NINL: variants seen among roughly 807,000 people sequenced by gnomAD.
NINL encodes ninein like.
Under a neutral mutation model 160.3 loss-of-function variants are expected in NINL, and 153 were observed. The ratio of observed to expected loss-of-function variants is 0.95; its 90% CI spans 0.84 to 1.09. The LOEUF is 1.09. Ranked by LOEUF, NINL falls within the 50% of genes least tolerant of loss-of-function variation. The pLI is 0.00. For synonymous variants in NINL, 800 were observed against 734.8 expected (o/e 1.09, Z -1.43); for missense variants, 1,829 against 1,764.0 (o/e 1.04, Z -0.66).
intron 1 of NINL, among the ~76,000 whole-genome samples, chr20:25,540,589 C>T (rs1271505473): frequency 6.6e-6 from 1 of 152,158 alleles, no homozygotes; most frequent in Non-Finnish European, 1.5e-5. Context: ...GTGTCCGTAA[C>T]GGGAAGCCAT....
chr20:25,523,250 G>A (rs114288414), intron 2 of NINL, among the ~76,000 whole-genome samples: 15,019 of 150,756 alleles, frequency 0.1, 1,260 homozygotes, highest in African/African-American at 0.23. Context: ...ATATATATGA[G>A]AGAATATATA....
Position 25,467,473 on chromosome 20 carries a change from C to A in NINL, c.3354-15G>T. 1 of 1,605,808 alleles carries A rather than the reference C, an allele frequency of 6.2e-7. No individual in the cohort carries two copies. Among genetic ancestry groups the A allele is most frequent in the East Asian group, 2.2e-5 (1 of 44,854 alleles). On this transcript the variant is annotated splice_polypyrimidine_tract_variant and intron_variant, in intron 18 of 23. Transcript: ENST00000278886. Reference sequence around the variant, plus strand: ...CAATTTCCTTCCTGTTGAAGAAGCACAATTAACAGTGATACCACTTGTGAC... The same window carrying A: ...CAATTTCCTTCCTGTTGAAGAAGCAAAATTAACAGTGATACCACTTGTGAC...
intron 3 of NINL, among the ~76,000 whole-genome samples, chr20:25,514,666 G>C (rs984783346): frequency 1.3e-5 from 2 of 152,220 alleles, no homozygotes; most frequent in Non-Finnish European, 2.9e-5. Context: ...CACAGGCCAA[G>C]GAGGAAAGAA....
chr20:25,527,086 C>G (rs2064373803), intron 1 of NINL, among the ~76,000 whole-genome samples: 1 of 151,510 alleles, frequency 6.6e-6, no homozygotes, highest in South Asian at 2.1e-4. Flanking sequence ...ATAAAGAAAA[C>G]TAAAACCATC....
chr20:25,504,662 C>T (rs1360230117), intron 6 of NINL, among the ~76,000 whole-genome samples: 1 of 152,192 alleles, frequency 6.6e-6, no homozygotes, highest in Non-Finnish European at 1.5e-5. Context: ...TACACCTGAG[C>T]GTGGCAGGGA....
At chr20:25,506,438 A>G (rs548973473) in intron 5 of NINL, among the ~76,000 whole-genome samples, 1 of 152,192 alleles carries the variant, frequency 6.6e-6, no homozygotes, top group African/African-American at 2.4e-5. Flanking sequence ...CTTCTTCTCT[A>G]CCCGCTTTTC....
At chr20:25,467,111 C>T (rs969453339) in intron 19 of NINL, among the ~76,000 whole-genome samples, 1 of 152,240 alleles carries the variant, frequency 6.6e-6, no homozygotes, top group Admixed American at 6.5e-5. Flanking sequence ...TAGATCAAAA[C>T]ACCAAAGGGA....
intron 10 of NINL, among the ~76,000 whole-genome samples, chr20:25,493,433 A>G (rs2063681418): frequency 6.6e-6 from 1 of 152,090 alleles, no homozygotes; most frequent in Admixed American, 6.6e-5. Context: ...CGAGCTTACA[A>G]CAGAGCCGTC....
At position 25,476,776 on chromosome 20, in the gene NINL, C is replaced by A. The variant is rs750781496; in HGVS notation, c.2515G>T (p.Gly839Cys). ...AGGAGGCCACGTGTGCCCTCCTGGC[C>A]ACTTCCTGCCACCAGCCCATCTTTC... ...LPKDGLVAGS[G>C]QEGTRGLLPL... The change falls in exon 17 of 24, where the codon GGC becomes TGC. Residue 839 changes from glycine to cysteine, a missense_variant. Transcript: ENST00000278886. 6.2e-6 allele frequency: 10 copies of A among 1,611,544 alleles called. No individual in the cohort carries two copies. The highest frequency in any genetic ancestry group is 8.5e-6 in the Non-Finnish European group (10 of 1,179,908).
chr20:25,524,594 G>A (rs2064322193), intron 2 of NINL, among the ~76,000 whole-genome samples: 2 of 152,260 alleles, frequency 1.3e-5, no homozygotes, highest in East Asian at 1.9e-4. Context: ...CAGATGAGCC[G>A]CTTTTCAGGG....
chr20:25,497,256 A>T (rs2146750260), intron 9 of NINL, among the ~76,000 whole-genome samples: 1 of 152,372 alleles, frequency 6.6e-6, no homozygotes, highest in Admixed American at 6.5e-5. Context: ...ACAGTGAGTC[A>T]CCAGAGCACA....
rs569588969 is a variant in NINL, at chr20:25,492,642, C to T, written c.1311-1117G>A. Among the ~76,000 whole-genome samples, 8 of 152,088 alleles carry T rather than the reference C, an allele frequency of 5.3e-5. 1 individual carries two copies. Among genetic ancestry groups the T allele is most frequent in the African/African-American group, 9.6e-5 (4 of 41,484 alleles). ...AATTTTTTGTATTTTTTAGTAGAGA[C>T]GGGGTTTCACCATGTTAGCCAGGAT... is the stretch of plus-strand genomic sequence containing the variant. On this transcript the variant is annotated intron_variant, in intron 10 of 23. Transcript: ENST00000278886.
At chr20:25,516,907 A>G (rs2064170536) in intron 3 of NINL, among the ~76,000 whole-genome samples, 1 of 152,160 alleles carries the variant, frequency 6.6e-6, no homozygotes, top group Non-Finnish European at 1.5e-5. Context: ...ACCGGGACCC[A>G]AATCCTGGCC....
chr20:25,486,146 C>T (rs554699873), intron 13 of NINL, among the ~76,000 whole-genome samples: 10 of 152,234 alleles, frequency 6.6e-5, no homozygotes, highest in Non-Finnish European at 1.2e-4. Flanking sequence ...TACACAGACA[C>T]GTGCTCTGTG....
chr20:25,559,198 G>A (rs944485013), intron 1 of NINL, among the ~76,000 whole-genome samples: 1 of 152,170 alleles, frequency 6.6e-6, no homozygotes, highest in Non-Finnish European at 1.5e-5. Flanking sequence ...CAAGTCATTG[G>A]CTTGGGATAA....
Position 25,476,675 on chromosome 20 carries a change from C to A in NINL, c.2616G>T (p.Ala872=). 3 of 1,588,990 alleles carry A rather than the reference C, an allele frequency of 1.9e-6. No individual in the cohort carries two copies. Among genetic ancestry groups the A allele is most frequent in the Non-Finnish European group, 2.6e-6 (3 of 1,173,226 alleles). Reference sequence around the variant, plus strand: ...GCCTGCGGCGAGGCCCGGCTCCTGCCGCCTCCTCAGACTCTCTGCCATCAC... The same window carrying A: ...GCCTGCGGCGAGGCCCGGCTCCTGCAGCCTCCTCAGACTCTCTGCCATCAC... ...APGDGRESEE[A]AGAGPRRRQA... The change falls in exon 17 of 24, where the codon GCG becomes GCT. Residue 872 remains alanine (A), a synonymous_variant. Coordinates refer to ENST00000278886, the MANE Select transcript of NINL (RefSeq NM_025176.6).
intron 17 of NINL, 27 bp downstream of exon 17, chr20:25,476,016 A>G (rs2063222827): frequency 1.3e-6 from 2 of 1,594,766 alleles, no homozygotes; most frequent in South Asian, 1.1e-5. Flanking sequence ...TGAAGTGTTT[A>G]GTTTTAAGAA....
At chr20:25,490,022 C>A (rs1378060417) in intron 11 of NINL, 37 bp from the exon 12 acceptor site, 2 of 1,564,442 alleles carry the variant, frequency 1.3e-6, no homozygotes, top group South Asian at 2.2e-5. Flanking sequence ...CAGGCTCCTG[C>A]AGGACGGAGG....
intron 1 of NINL, among the ~76,000 whole-genome samples, chr20:25,564,039 C>G (rs1020864458): frequency 5.3e-5 from 8 of 152,004 alleles, no homozygotes; most frequent in African/African-American, 1.9e-4. Flanking sequence ...AAAGCAAGAC[C>G]TCATCTCTAC....
Sources: gnomAD v4.1 joint callset for allele counts (sites outside exome capture counted in the v4.1 genomes callset) on GRCh38, gnomAD v4.1.1 for gene constraint, MANE v1.5 for transcripts, NCBI Gene and HGNC (gene_info 2026-07-23, HGNC 2026-07-21) for gene names.